The following SPAG16 variants were observed in gnomAD, a reference collection of about 807,000 sequenced individuals.
SPAG16 encodes sperm-associated antigen 16 protein.
SPAG16 carries 86 observed loss-of-function variants against 80.4 expected under a neutral mutation model. The observed-to-expected ratio is 1.07, with a 90% confidence interval of 0.90 to 1.28. SPAG16 has a LOEUF of 1.28. Among genes scored for constraint, SPAG16 ranks in the 50% most tolerant of loss-of-function variants. SPAG16 has a pLI of 0.00. For missense variants in SPAG16, 870 were observed against 765.3 expected (o/e 1.14, Z -1.61); for synonymous variants, 294 against 265.9 (o/e 1.11, Z -1.03).
intron 10 of SPAG16, among the ~76,000 whole-genome samples, chr2:213,633,748 T>C (rs1188833868): frequency 1.3e-5 from 2 of 152,202 alleles, no homozygotes; most frequent in Non-Finnish European, 2.9e-5. Flanking sequence ...ATTATCTTGC[T>C]GAATTAACCC....
At chr2:213,333,382 G>T (rs1238126738) in intron 5 of SPAG16, among the ~76,000 whole-genome samples, 1 of 152,108 alleles carries the variant, frequency 6.6e-6, no homozygotes, top group Non-Finnish European at 1.5e-5. Flanking sequence ...GACATTACAT[G>T]TTTATGGGTT....
chr2:213,987,643 T>C (rs1204368095), intron 12 of SPAG16, among the ~76,000 whole-genome samples: 2 of 151,946 alleles, frequency 1.3e-5, no homozygotes, highest in African/African-American at 2.4e-5. Context: ...TTGGCCGATA[T>C]TTAATTTCTC....
At chr2:213,581,491 T>C (rs2060296139) in intron 10 of SPAG16, among the ~76,000 whole-genome samples, 1 of 152,100 alleles carries the variant, frequency 6.6e-6, no homozygotes, top group Admixed American at 6.6e-5. Flanking sequence ...GCTAGGATTA[T>C]ATTTATGGCC....
intron 11 of SPAG16, among the ~76,000 whole-genome samples, chr2:213,895,202 A>G (rs1374964070): frequency 6.6e-6 from 1 of 151,914 alleles, no homozygotes; most frequent in Non-Finnish European, 1.5e-5. Context: ...CTTAGCAATC[A>G]GTTTAACCAA....
In SPAG16 at chr2:214,084,567, A is replaced by T. The variant is rs1410967610; in HGVS notation, c.1528-23629A>T. Among the ~76,000 whole-genome samples the T allele has an allele frequency of 2.0e-5, 3 of 152,022 alleles. No individual in the cohort carries two copies. In the East Asian group the frequency reaches 5.8e-4, roughly 29 times the overall value. On this transcript the variant is annotated intron_variant, in intron 13 of 15. Coordinates refer to ENST00000331683, the MANE Select transcript of SPAG16 (RefSeq NM_024532.5). ...CTCCTTTCTTTCCTTTATCCAACCC[A>T]CCAGTGTTTTAGGCTTCAGATCCTT...
In SPAG16 at chr2:214,045,548, T is replaced by A. The variant is rs78289663; in HGVS notation, c.1527+31471T>A. Among the ~76,000 whole-genome samples, 559 of 152,274 alleles carry A rather than the reference T, an allele frequency of 3.7e-3. 3 individuals are homozygous for A. Among genetic ancestry groups the A allele is most frequent in the Middle Eastern group, 0.014 (4 of 294 alleles). On this transcript the variant is annotated intron_variant, in intron 13 of 15. Coordinates refer to ENST00000331683, the MANE Select transcript of SPAG16 (RefSeq NM_024532.5). Reference sequence around the variant, plus strand: ...GGGACTTTGTCTTTCACCTTAGATATCACCTCATCCCTGGGGGTTAGAGCA... The same window carrying A: ...GGGACTTTGTCTTTCACCTTAGATAACACCTCATCCCTGGGGGTTAGAGCA...
intron 10 of SPAG16, among the ~76,000 whole-genome samples, chr2:213,616,903 A>G (rs1003851929): frequency 6.6e-6 from 1 of 152,162 alleles, no homozygotes; most frequent in Non-Finnish European, 1.5e-5. Context: ...GAAGGAATGG[A>G]GTTACCTTGG....
chr2:214,152,174 TTTTCTCTA>T (rs1481728827), intron 15 of SPAG16, among the ~76,000 whole-genome samples: 1 of 96,592 alleles, frequency 1.0e-5, no homozygotes, highest in East Asian at 6.3e-4. Flanking sequence ...TATAACAAAA[TTTTCTCTA>T]TTTATTAACC....
At chr2:214,279,018 A>C (rs1692686016) in intron 15 of SPAG16, among the ~76,000 whole-genome samples, 1 of 152,124 alleles carries the variant, frequency 6.6e-6, no homozygotes, top group Non-Finnish European at 1.5e-5. Context: ...CTTCTATCTA[A>C]GTTAGAGGAA....
intron 14 of SPAG16, among the ~76,000 whole-genome samples, chr2:214,119,020 A>G (rs1375326284): frequency 6.6e-6 from 1 of 152,186 alleles, no homozygotes; most frequent in Admixed American, 6.6e-5. Context: ...GGTGATAGAT[A>G]TGATAATTAT....
At chr2:213,897,007 C>T (rs1189821508) in intron 11 of SPAG16, among the ~76,000 whole-genome samples, 10 of 152,022 alleles carry the variant, frequency 6.6e-5, no homozygotes, top group African/African-American at 2.4e-4. Flanking sequence ...GATAGATAGA[C>T]TTGTACAGTG....
intron 12 of SPAG16, among the ~76,000 whole-genome samples, chr2:213,981,670 G>C (rs904606438): frequency 6.6e-6 from 1 of 151,970 alleles, no homozygotes; most frequent in African/African-American, 2.4e-5. Flanking sequence ...TCTTATTAGA[G>C]GGTCAGATTG....
intron 14 of SPAG16, among the ~76,000 whole-genome samples, chr2:214,117,164 A>T (rs1212881328): frequency 6.6e-6 from 1 of 152,180 alleles, no homozygotes; most frequent in Non-Finnish European, 1.5e-5. Context: ...GAGAGATTGA[A>T]ATTTTAAAAA....
At chr2:214,307,030 A>ATAC (rs1400326934) in intron 15 of SPAG16, among the ~76,000 whole-genome samples, 1 of 151,744 alleles carries the variant, frequency 6.6e-6, no homozygotes, top group African/African-American at 2.4e-5. Flanking sequence ...TTTTTTGGTT[A>ATAC]GTAGGTTATT....
chr2:213,896,592 G>GCGCACACACACACACACA (rs57025359), intron 11 of SPAG16, among the ~76,000 whole-genome samples: 13 of 111,880 alleles, frequency 1.2e-4, no homozygotes. Context: ...ACACACACAC[G>GCGCACACACACACACACA]CACACACACA....
intron 15 of SPAG16, among the ~76,000 whole-genome samples, chr2:214,252,427 T>C (rs1440371771): frequency 1.3e-5 from 2 of 152,022 alleles, no homozygotes; most frequent in Non-Finnish European, 2.9e-5. Flanking sequence ...GTATTTCCCC[T>C]AATGCTATCC....
intron 9 of SPAG16, among the ~76,000 whole-genome samples, chr2:213,442,027 A>G: frequency 6.6e-6 from 1 of 152,186 alleles, no homozygotes; most frequent in Non-Finnish European, 1.5e-5. Flanking sequence ...ACATGCCTAT[A>G]ATCCCAGCTA....
intron 10 of SPAG16, among the ~76,000 whole-genome samples, chr2:213,536,673 G>T (rs971351961): frequency 1.3e-5 from 2 of 152,058 alleles, no homozygotes; most frequent in Admixed American, 1.3e-4. Context: ...TTTTGATGGG[G>T]TTGTTTGTTT....
chr2:213,382,608 A>G (rs1415510502), intron 9 of SPAG16, among the ~76,000 whole-genome samples: 3 of 152,200 alleles, frequency 2.0e-5, no homozygotes, highest in African/African-American at 4.8e-5. Context: ...CATCATTTAT[A>G]CTATGTTCTT....
Sources: gnomAD v4.1 joint callset for allele counts (sites outside exome capture counted in the v4.1 genomes callset) on GRCh38, gnomAD v4.1.1 for gene constraint, MANE v1.5 for transcripts, NCBI Gene and HGNC (gene_info 2026-07-23, HGNC 2026-07-21) for gene names.